Variants in ITGB6 observed in about 807,000 individuals in gnomAD.
The protein encoded by ITGB6 is integrin beta-6.
Under a neutral mutation model 84.5 loss-of-function variants are expected in ITGB6, and 80 were observed. The ratio of observed to expected loss-of-function variants is 0.95; its 90% confidence interval spans 0.79 to 1.14. The LOEUF is 1.14. Among genes scored for constraint, ITGB6 ranks in the 50% most tolerant of loss-of-function variants. The pLI, the probability that ITGB6 is intolerant of heterozygous loss-of-function variation, is 0.00. For synonymous variants in ITGB6, 383 were observed against 354.9 expected (o/e 1.08, Z -0.89); for missense variants, 1,006 against 968.0 (o/e 1.04, Z -0.52).
chr2:160,133,858 G>A (rs910807193), intron 10 of ITGB6, among the ~76,000 whole-genome samples: 4 of 152,194 alleles, frequency 2.6e-5, no homozygotes, highest in Middle Eastern at 3.4e-3. Context: ...TGAAACCAAC[G>A]AGAACAAAGA....
chr2:160,106,721 G>A (rs868486953), intron 14 of ITGB6, among the ~76,000 whole-genome samples: 6 of 152,048 alleles, frequency 3.9e-5, no homozygotes, highest in African/African-American at 4.8e-5. Flanking sequence ...TAGAATAACC[G>A]CATACAACAG....
intron 4 of ITGB6, among the ~76,000 whole-genome samples, chr2:160,181,674 C>T (rs1685678901): frequency 6.6e-6 from 1 of 152,222 alleles, no homozygotes; most frequent in African/African-American, 2.4e-5. Context: ...GGGTCCCTGA[C>T]CCTCGTGCCT....
rs16844790 is a variant in ITGB6 at position 160,112,117 on chromosome 2, A to G, written c.2064T>C (p.Asn688=). Residue 688 remains asparagine, a synonymous_variant, in exon 13 of 15, where the codon AAT becomes AAC. Coordinates refer to ENST00000283249, the MANE Select transcript of ITGB6 (RefSeq NM_000888.5). Reference sequence around the variant, plus strand: ...TGCTGTGAATGATGGTTTTCCCCTCATTATCTGTAGTTATTAGGAATGTAA... The same window carrying G: ...TGCTGTGAATGATGGTTTTCCCCTCGTTATCTGTAGTTATTAGGAATGTAA... The part of the protein sequence containing the change: ...CLITFLITTD[N]EGKTIIHSIN... The G allele has an allele frequency of 0.18, 294,380 of 1,611,606 alleles. 29,401 individuals carry two copies. Among genetic ancestry groups the G allele is most frequent in the Admixed American group, 0.4 (24,015 of 59,536 alleles).
chr2:160,154,826 A>T (rs1309310337), intron 7 of ITGB6, among the ~76,000 whole-genome samples: 1 of 152,226 alleles, frequency 6.6e-6, no homozygotes, highest in East Asian at 1.9e-4. Context: ...GAAAGAAGCC[A>T]ATCTGAAAAG....
chr2:160,182,884 G>A (rs1029757021), intron 4 of ITGB6, among the ~76,000 whole-genome samples: 3 of 152,068 alleles, frequency 2.0e-5, no homozygotes, highest in Non-Finnish European at 4.4e-5. Context: ...TTCATATCTC[G>A]CCAAACTGAG....
intron 4 of ITGB6, among the ~76,000 whole-genome samples, chr2:160,187,441 T>A (rs1685947951): frequency 6.6e-6 from 1 of 152,220 alleles, no homozygotes; most frequent in Admixed American, 6.5e-5. Context: ...TATCACCTGT[T>A]ATCTAGTTTG....
At chr2:160,172,507 TAGTTGTTGCTTC>T in intron 6 of ITGB6, 50 bp downstream of exon 6, 3 of 1,420,214 alleles carry the variant, frequency 2.1e-6, no homozygotes, top group Non-Finnish European at 2.0e-6. Context: ...TGTATTACAC[TAGTTGTTGCTTC>T]GTTCTCCTAC....
intron 4 of ITGB6, among the ~76,000 whole-genome samples, chr2:160,184,889 T>C (rs571556338): frequency 2.6e-5 from 4 of 152,280 alleles, no homozygotes; most frequent in African/African-American, 9.6e-5. Flanking sequence ...CACATGATTA[T>C]CTCAATAGTT....
chr2:160,102,450 C>A (rs1696757033), intron 14 of ITGB6, among the ~76,000 whole-genome samples: 1 of 152,198 alleles, frequency 6.6e-6, no homozygotes, highest in South Asian at 2.1e-4. Flanking sequence ...AAAGAACCAG[C>A]TGTCTTTTGC....
chr2:160,135,931 G>A (rs963814797), intron 10 of ITGB6, among the ~76,000 whole-genome samples: 7 of 152,236 alleles, frequency 4.6e-5, no homozygotes, highest in African/African-American at 1.7e-4. Flanking sequence ...TTAAATATTA[G>A]ACCTAAAACA....
At chr2:160,154,577 T>A (rs1308242078) in intron 7 of ITGB6, among the ~76,000 whole-genome samples, 1 of 152,124 alleles carries the variant, frequency 6.6e-6, no homozygotes, top group Non-Finnish European at 1.5e-5. Context: ...GAACTTAAAG[T>A]ATAAAAAGAA....
At chr2:160,143,225 C>T (rs987994733) in intron 7 of ITGB6, among the ~76,000 whole-genome samples, 1 of 152,082 alleles carries the variant, frequency 6.6e-6, no homozygotes, top group African/African-American at 2.4e-5. Flanking sequence ...GTTGAGGCTG[C>T]AGTGAGCTGA....
chr2:160,106,761 A>G (rs1308113836), intron 14 of ITGB6, among the ~76,000 whole-genome samples: 1 of 152,222 alleles, frequency 6.6e-6, no homozygotes, highest in Non-Finnish European at 1.5e-5. Context: ...AAATTTATCA[A>G]AAATGGAAAA....
chr2:160,132,876 C>A (rs1683529770), intron 10 of ITGB6, among the ~76,000 whole-genome samples: 1 of 152,032 alleles, frequency 6.6e-6, no homozygotes, highest in Admixed American at 6.6e-5. Context: ...GAGTAATTTT[C>A]CATCTTTGTC....
intron 7 of ITGB6, among the ~76,000 whole-genome samples, chr2:160,154,777 A>G (rs1684559531): frequency 6.6e-6 from 1 of 152,216 alleles, no homozygotes; most frequent in African/African-American, 2.4e-5. Flanking sequence ...TTATCAAGCT[A>G]TGAGAAGACG....
At chr2:160,169,167 T>C in intron 7 of ITGB6, 45 bp downstream of exon 7, 2 of 1,097,088 alleles carry the variant, frequency 1.8e-6, no homozygotes, top group Middle Eastern at 3.0e-4. Flanking sequence ...AAGTTTCATG[T>C]CACATAATCT....
chr2:160,136,399 C>A (rs1683723241), intron 10 of ITGB6, among the ~76,000 whole-genome samples: 1 of 152,006 alleles, frequency 6.6e-6, no homozygotes, highest in Non-Finnish European at 1.5e-5. Context: ...AGTCAGGAAA[C>A]AACAGGTGCT....
At chr2:160,128,435 A>G (rs1300386619) in intron 10 of ITGB6, among the ~76,000 whole-genome samples, 1 of 152,198 alleles carries the variant, frequency 6.6e-6, no homozygotes, top group Non-Finnish European at 1.5e-5. Context: ...TCAGACCATG[A>G]AAAGCCTTAT....
chr2:160,196,103 A>C (rs1686322477), intron 3 of ITGB6, 113 bp downstream of exon 3: 1 of 909,066 alleles, frequency 1.1e-6, no homozygotes, highest in Non-Finnish European at 1.7e-6. Context: ...AGAATGGGAA[A>C]TTCGAGTCAT....
Sources: allele counts gnomAD v4.1 joint callset (sites outside exome capture counted in the v4.1 genomes callset), GRCh38; gene constraint gnomAD v4.1.1; transcripts MANE v1.5; gene names NCBI Gene and HGNC (gene_info 2026-07-23, HGNC 2026-07-21).